The following CDH23 variants were observed in gnomAD, a reference collection of about 807,000 sequenced individuals.
CDH23 encodes cadherin related 23.
A neutral mutation model predicts 317.1 loss-of-function variants in CDH23; 189 were observed. The ratio of observed to expected loss-of-function variants is 0.60; its 90% CI spans 0.53 to 0.67. The LOEUF (loss-of-function observed/expected upper bound fraction) is 0.67. Ranked by LOEUF, CDH23 falls within the 30% of genes least tolerant of loss-of-function variation. The pLI is 0.00. For missense variants in CDH23, 4,401 were observed against 4,592.4 expected, an observed-to-expected ratio of 0.96 and a Z score of 1.20; for synonymous variants, 1,839 against 1,876.8, an observed-to-expected ratio of 0.98 and a Z score of 0.52.
intron 15 of CDH23, among the ~76,000 whole-genome samples, chr10:71,677,163 A>C (rs1864405184): frequency 6.6e-6 from 1 of 152,176 alleles, no homozygotes; most frequent in Admixed American, 6.5e-5. Flanking sequence ...AAATATCTGC[A>C]GTAGGTAGGA....
chr10:71,809,821 G>A lies in CDH23; in HGVS notation c.8724G>A (p.Gly2908=), dbSNP rs371638610. The A allele has an allele frequency of 3.1e-6, 5 of 1,611,470 alleles. No individual in the cohort carries two copies. The highest frequency in any genetic ancestry group is 2.7e-5 in the African/African-American group (2 of 74,910). The part of the protein sequence containing the change: ...SEDVGQVFTM[G]SMDGILRTFD... Reference sequence around the variant, plus strand: ...ACCCCGCCTTTGGGCTTCCTGCAGGGAGCATGGACGGCATTCTGCGCACCT... The same window carrying A: ...ACCCCGCCTTTGGGCTTCCTGCAGGAAGCATGGACGGCATTCTGCGCACCT... The change falls in exon 61 of 70, where the codon GGG becomes GGA. Residue 2908 remains glycine, a splice_region_variant and synonymous_variant. Coordinates refer to ENST00000224721, the MANE Select transcript of CDH23 (RefSeq NM_022124.6).
chr10:71,443,083 G>A (rs746910990), intron 2 of CDH23, among the ~76,000 whole-genome samples: 5 of 152,188 alleles, frequency 3.3e-5, no homozygotes, highest in African/African-American at 1.2e-4. Context: ...GTCAAGGGGC[G>A]ACTGGCGGGG....
At chr10:71,677,100 G>A (rs938098518) in intron 15 of CDH23, among the ~76,000 whole-genome samples, 16 of 152,142 alleles carry the variant, frequency 1.1e-4, no homozygotes, top group African/African-American at 3.9e-4. Context: ...GCATTCTGGT[G>A]CAAAACGATC....
At chr10:71,405,432 C>CTT (rs397824446) in intron 1 of CDH23, among the ~76,000 whole-genome samples, 71 of 130,644 alleles carry the variant, frequency 5.4e-4, no homozygotes, top group African/African-American at 1.5e-3. Flanking sequence ...GGTAGACTAT[C>CTT]TTTTTTTTTT....
chr10:71,485,053 G>A (rs1419119237), intron 3 of CDH23, among the ~76,000 whole-genome samples: 1 of 136,468 alleles, frequency 7.3e-6, no homozygotes, highest in Non-Finnish European at 1.5e-5. Context: ...GTGGGACGGA[G>A]TCTTGCTCTG....
chr10:71,741,567 T>C (rs1839732818), intron 37 of CDH23, 127 bp from the exon 38 acceptor site: 3 of 715,598 alleles, frequency 4.2e-6, no homozygotes, highest in Non-Finnish European at 7.2e-6. Context: ...TCTCCATCAT[T>C]GCTCTGGGGT....
intron 4 of CDH23, 63 bp from the exon 5 acceptor site, chr10:71,510,891 G>A (rs1197845774): frequency 3.2e-6 from 5 of 1,557,232 alleles, no homozygotes; most frequent in Non-Finnish European, 4.4e-6. Flanking sequence ...CCCATTTAGG[G>A]CCCAGGACCC....
intron 38 of CDH23, among the ~76,000 whole-genome samples, chr10:71,743,931 A>C (rs1839795488): frequency 6.6e-6 from 1 of 152,208 alleles, no homozygotes; most frequent in African/African-American, 2.4e-5. Flanking sequence ...TCTAGGCATC[A>C]AGTCAGCATC....
intron 38 of CDH23, among the ~76,000 whole-genome samples, chr10:71,761,195 AACAG>A (rs1008140560): frequency 1.3e-5 from 2 of 152,078 alleles, no homozygotes; most frequent in African/African-American, 4.8e-5. Flanking sequence ...CTCTCACCTG[AACAG>A]ACAGACACAC....
chr10:71,582,106 CAAGT>C (rs1047336852), intron 9 of CDH23, among the ~76,000 whole-genome samples: 16 of 152,336 alleles, frequency 1.1e-4, no homozygotes, highest in African/African-American at 3.6e-4. Flanking sequence ...TATGCATTGT[CAAGT>C]AACAAGCAGG....
rs1287990646 is a variant in CDH23 at position 71,738,660 on chromosome 10, G to T, written c.4359+13G>T. On this transcript the variant is annotated intron_variant, in intron 35 of 69. Transcript: ENST00000224721. Reference sequence around the variant, plus strand: ...CAGCAATGGGCAGGTGGGCCACCGAGTGAAACAGCCAGGATCCACCATGTC... The same window carrying T: ...CAGCAATGGGCAGGTGGGCCACCGATTGAAACAGCCAGGATCCACCATGTC... 1 of 1,611,496 alleles carries T rather than the reference G, an allele frequency of 6.2e-7. No homozygotes were observed.
chr10:71,696,098 G>C (rs1397686100), intron 22 of CDH23, among the ~76,000 whole-genome samples: 1 of 152,246 alleles, frequency 6.6e-6, no homozygotes, highest in Non-Finnish European at 1.5e-5. Flanking sequence ...AGGGTGCAGA[G>C]GGGAGACACG....
intron 9 of CDH23, among the ~76,000 whole-genome samples, chr10:71,592,159 A>G (rs1208516878): frequency 6.6e-6 from 1 of 152,132 alleles, no homozygotes; most frequent in African/African-American, 2.4e-5. Context: ...CTGTGTTTAC[A>G]AGAACCCAAG....
At chr10:71,527,860 A>C (rs1321312494) in intron 6 of CDH23, among the ~76,000 whole-genome samples, 1 of 152,180 alleles carries the variant, frequency 6.6e-6, no homozygotes, top group Non-Finnish European at 1.5e-5. Flanking sequence ...CACTTCCAGC[A>C]TAGAAGAGGA....
intron 52 of CDH23, 23 bp downstream of exon 52, chr10:71,799,652 G>A (rs1841502635): frequency 1.2e-6 from 2 of 1,613,876 alleles, no homozygotes; most frequent in East Asian, 2.2e-5. Flanking sequence ...GGAGGGCCTG[G>A]AATTTGGAAG....
At chr10:71,546,241 C>T (rs146870094) in intron 6 of CDH23, among the ~76,000 whole-genome samples, 4 of 152,324 alleles carry the variant, frequency 2.6e-5, no homozygotes, top group Non-Finnish European at 5.9e-5. Context: ...GCAACTGTAA[C>T]TCAGTCCAAA....
At chr10:71,419,597 T>C (rs1848662645) in intron 1 of CDH23, among the ~76,000 whole-genome samples, 1 of 152,226 alleles carries the variant, frequency 6.6e-6, no homozygotes, top group Admixed American at 6.5e-5. Flanking sequence ...GTCAAAAGAC[T>C]TGTCCAGTGA....
intron 6 of CDH23, among the ~76,000 whole-genome samples, chr10:71,514,456 G>A (rs1019653745): frequency 3.3e-5 from 5 of 152,112 alleles, no homozygotes; most frequent in Admixed American, 2.0e-4. Flanking sequence ...TGACCCACCT[G>A]GACCCAAGTC....
At chr10:71,679,337 C>T in intron 16 of CDH23, 50 bp from the exon 17 acceptor site, 1 of 1,124,866 alleles carries the variant, frequency 8.9e-7, no homozygotes, top group South Asian at 1.3e-5. Context: ...CCTCTTCTGG[C>T]CCCCAGTCTC....
Sources: allele counts gnomAD v4.1 joint callset (sites outside exome capture counted in the v4.1 genomes callset), GRCh38; gene constraint gnomAD v4.1.1; transcripts MANE v1.5; gene names NCBI Gene and HGNC (gene_info 2026-07-23, HGNC 2026-07-21).